The following ITPR3 variants were observed in gnomAD, a reference collection of about 807,000 sequenced individuals.
ITPR3 encodes the protein inositol 1,4,5-trisphosphate-gated calcium channel ITPR3.
ITPR3 carries 173 observed loss-of-function variants against 293.2 expected under a neutral mutation model. That is an observed-to-expected ratio of 0.59 (90% CI 0.52 to 0.67). The LOEUF is 0.67. Among genes scored for constraint, ITPR3 ranks in the 30% least tolerant of loss-of-function variants. The probability of loss-of-function intolerance (pLI) is 0.00; values close to 1 mark genes in which losing one functional copy is unlikely to be tolerated. For synonymous variants in ITPR3, 1,295 were observed against 1,444.4 expected, an observed-to-expected ratio of 0.90 and a Z score of 2.35; for missense variants, 2,796 against 3,592.1, an observed-to-expected ratio of 0.78 and a Z score of 5.66.
Position 33,687,111 on chromosome 6 carries a change from C to CTGGGCAGG in ITPR3, c.6075+16_6075+23dup, listed in dbSNP as rs769069993. On this transcript the variant is annotated splice_region_variant and intron_variant, in intron 44 of 57. Coordinates refer to ENST00000605930, the MANE Select transcript of ITPR3 (RefSeq NM_002224.4). The surrounding 1 kb of genome is among the most constrained non-coding windows in gnomAD (Gnocchi z 5.3). ...CCTGCGGCCCCAGGAGCTGGTGAGG[C>CTGGGCAGG]TGGGCAGGTGGGCAGGCGGGCGGAA... The CTGGGCAGG allele has an allele frequency of 2.0e-5, 33 of 1,612,996 alleles. No homozygotes were observed. Among genetic ancestry groups the CTGGGCAGG allele is most frequent in the Non-Finnish European group, 2.7e-5 (32 of 1,179,350 alleles).
At position 33,662,610 on chromosome 6, in the gene ITPR3, T is replaced by G; in HGVS notation, c.794T>G (p.Leu265Arg). 6.2e-7 allele frequency: 1 copy of G among 1,612,194 alleles called. No individual in the cohort carries two copies. Residue 265 changes from leucine (L) to arginine (R), a missense_variant, in exon 8 of 58, where the codon CTG becomes CGG. By Grantham distance (102) the Leu-to-Arg change is moderately radical (BLOSUM62 -2). Coordinates refer to ENST00000605930, the MANE Select transcript of ITPR3 (RefSeq NM_002224.4). ...DEYKGKLQVF[L>R]RTTLRQSATS... ...TACAAGGGCAAGCTGCAGGTGTTCCTGCGAACTACACTGCGCCAGTCTGCC... is the reference window on the plus strand; with the variant it reads ...TACAAGGGCAAGCTGCAGGTGTTCCGGCGAACTACACTGCGCCAGTCTGCC...
Position 33,688,164 on chromosome 6 carries a change from C to T in ITPR3, c.6372C>T (p.Ile2124=), listed in dbSNP as rs138913026. 3.6e-5 allele frequency: 58 copies of T among 1,613,926 alleles called. No homozygotes were observed. The highest frequency in any genetic ancestry group is 9.3e-5 in the African/African-American group (7 of 74,936). ...ACTATGAGAACCACACGTCCCAGATCGAGGTGGGCCTGTGGGCAGCAGGGG... is the reference window on the plus strand; with the variant it reads ...ACTATGAGAACCACACGTCCCAGATTGAGGTGGGCCTGTGGGCAGCAGGGG... The part of the protein sequence containing the change: ...LAYYENHTSQ[I]EIVRQDRSME... Residue 2124 remains isoleucine (I), a synonymous_variant, in exon 47 of 58, where the codon ATC becomes ATT. Transcript: ENST00000605930.
chr6:33,667,311 C>T lies in ITPR3; in HGVS notation c.1713+21C>T. Reference sequence around the variant, plus strand: ...ACCAGGTGCGCCGCTGCCCTGCTGGCCCACTCGCTGGCTGCACGTTCCTTC... The same window carrying T: ...ACCAGGTGCGCCGCTGCCCTGCTGGTCCACTCGCTGGCTGCACGTTCCTTC... On this transcript the variant is annotated intron_variant, in intron 15 of 57. Transcript: ENST00000605930. The surrounding 1 kb of genome is among the most constrained non-coding windows in gnomAD (Gnocchi z 4.4). 1 of 1,606,488 alleles carries T rather than the reference C, an allele frequency of 6.2e-7. No individual in the cohort carries two copies. Among genetic ancestry groups the T allele is most frequent in the South Asian group, 1.1e-5 (1 of 90,438 alleles).
At position 33,689,094 on chromosome 6, in the gene ITPR3, T is replaced by G. The variant is rs1043066253; in HGVS notation, c.6695-144T>G. The G allele has an allele frequency of 7.1e-4, 668 of 945,958 alleles. 7 individuals are homozygous for G. In the East Asian group the frequency reaches 0.012, roughly 18 times the overall value. The allele number at this position is 945,958 out of a possible 1,614,324, so 58.6% of individuals were successfully genotyped here. A position where few individuals can be genotyped will look rare whatever the true frequency, so the allele number is the denominator to read the frequency against. On this transcript the variant is annotated intron_variant, in intron 49 of 57. Transcript: ENST00000605930. ...CTCCCGCTTAGGCCTGAGAGGCAGG[T>G]GTAATGGAGGAGGCTAAAACCAGGC...
In ITPR3 at chr6:33,676,920, G is replaced by A. The variant is rs185896165; in HGVS notation, c.3435G>A (p.Lys1145=). ...AGGAGGTGGAGGCAGGCGCCGCCAA[G>A]GACAAGAAAGAGGTAAGTGGGGCTC... ...KGEEVEAGAA[K]DKKERPTDEE... The change falls in exon 26 of 58, where the codon AAG becomes AAA. Residue 1145 remains lysine (K), a synonymous_variant. Coordinates refer to ENST00000605930, the MANE Select transcript of ITPR3 (RefSeq NM_002224.4). 347 of 1,614,114 alleles carry A rather than the reference G, an allele frequency of 2.1e-4. 2 individuals carry two copies. In the East Asian group the frequency reaches 7.6e-3, roughly 35 times the overall value.
intron 21 of ITPR3, among the ~76,000 whole-genome samples, 156 bp from the exon 22 acceptor site, chr6:33,671,873 C>T (rs569359814): frequency 6.6e-6 from 1 of 152,096 alleles, no homozygotes; most frequent in Non-Finnish European, 1.5e-5. Context: ...CTCCAGGAAG[C>T]CTTCCTGGGT....
rs542469318 is a variant in ITPR3, at chr6:33,622,839, G to T, written c.89+1148G>T. Among the ~76,000 whole-genome samples, 17 of 152,302 alleles carry T rather than the reference G, an allele frequency of 1.1e-4. No individual in the cohort carries two copies. In the East Asian group the frequency reaches 3.3e-3, roughly 29 times the overall value. On this transcript the variant is annotated intron_variant, in intron 1 of 57. Coordinates refer to ENST00000605930, the MANE Select transcript of ITPR3 (RefSeq NM_002224.4). The stretch of plus-strand genomic sequence containing the variant: ...TTTAGCTTTCATCTTGGTGTAAAGG[G>T]AATGGATTGTGGGATTGGAGGGCTG...
rs1195734414 is a variant in ITPR3 at position 33,687,571 on chromosome 6, G to A, written c.6264+7G>A. The A allele has an allele frequency of 1.4e-6, 2 of 1,445,508 alleles. No homozygotes were observed. Among genetic ancestry groups the A allele is most frequent in the African/African-American group, 1.4e-5 (1 of 73,416 alleles). The allele number at this position is 1,445,508 out of a possible 1,614,324, so 89.5% of individuals were successfully genotyped here. A position where few individuals can be genotyped will look rare whatever the true frequency, so the allele number is the denominator to read the frequency against. On this transcript the variant is annotated splice_region_variant and intron_variant, in intron 46 of 57. Coordinates refer to ENST00000605930, the MANE Select transcript of ITPR3 (RefSeq NM_002224.4). The surrounding 1 kb of genome is among the most constrained non-coding windows in gnomAD (Gnocchi z 5.3). Reference sequence around the variant, plus strand: ...CGAGGGTATCTCTTCCATGGTGGGTGCTGGCCCCGAGACTGGGGTGGGGGT... The same window carrying A: ...CGAGGGTATCTCTTCCATGGTGGGTACTGGCCCCGAGACTGGGGTGGGGGT...
chr6:33,657,352 TCCTCAAGG>T (rs1370264405), intron 3 of ITPR3, among the ~76,000 whole-genome samples: 1 of 151,992 alleles, frequency 6.6e-6, no homozygotes, highest in Non-Finnish European at 1.5e-5. Flanking sequence ...GCAAACCAAA[TCCTCAAGG>T]CCACCAGCAG....
rs1314274391 is a variant in ITPR3, at chr6:33,691,251, C to T, written c.7225+142C>T. 4 of 769,060 alleles carry T rather than the reference C, an allele frequency of 5.2e-6. No homozygotes were observed. Among genetic ancestry groups the T allele is most frequent in the Non-Finnish European group, 8.4e-6 (4 of 475,322 alleles). 47.6% of individuals were successfully genotyped at this position (769,060 alleles called of 1,614,324 possible). A position where few individuals can be genotyped will look rare whatever the true frequency, so the allele number is the denominator to read the frequency against. The stretch of plus-strand genomic sequence containing the variant: ...CCTCTTGGCTTCTGGGGACGTCTAG[C>T]TAACACCAGTCTGCCTCGCTCTTTT... On this transcript the variant is annotated intron_variant, in intron 52 of 57. Transcript: ENST00000605930. The surrounding 1 kb of genome is among the most constrained non-coding windows in gnomAD (Gnocchi z 4.9).
Position 33,691,526 on chromosome 6 carries a change from G to T in ITPR3, c.7226-89G>T. The T allele has an allele frequency of 9.1e-7, 1 of 1,099,724 alleles. No individual in the cohort carries two copies. The highest frequency in any genetic ancestry group is 1.3e-6 in the Non-Finnish European group (1 of 742,566). 68.1% of individuals were successfully genotyped at this position (1,099,724 alleles called of 1,614,324 possible). On this transcript the variant is annotated intron_variant, in intron 52 of 57. Coordinates refer to ENST00000605930, the MANE Select transcript of ITPR3 (RefSeq NM_002224.4). The surrounding 1 kb of genome is among the most constrained non-coding windows in gnomAD (Gnocchi z 4.9). ...GGCTGGCGATCCAGGACCAGGGAAG[G>T]TTTCCTGGAGGATGTGACACTGGGG...
chr6:33,684,713 C>G lies in ITPR3; in HGVS notation c.5137+25C>G. 1 of 1,611,946 alleles carries G rather than the reference C, an allele frequency of 6.2e-7. No individual in the cohort carries two copies. The highest frequency in any genetic ancestry group is 8.5e-7 in the Non-Finnish European group (1 of 1,178,670). On this transcript the variant is annotated intron_variant, in intron 38 of 57. Transcript: ENST00000605930. The surrounding 1 kb of genome is among the most constrained non-coding windows in gnomAD (Gnocchi z 4.2). ...GGTCAGTATCACCTTCCCCTGCCCCCGGGCCCTCCCTTCCACTCTCCTGTC... is the reference window on the plus strand; with the variant it reads ...GGTCAGTATCACCTTCCCCTGCCCCGGGGCCCTCCCTTCCACTCTCCTGTC...
intron 2 of ITPR3, among the ~76,000 whole-genome samples, chr6:33,653,047 A>T (rs946521599): frequency 2.8e-4 from 43 of 152,040 alleles, no homozygotes; most frequent in African/African-American, 1.0e-3. Context: ...AGCTGGGACT[A>T]CAGGCATGTA....
chr6:33,678,753 C>CA lies in ITPR3; in HGVS notation c.3887dup (p.His1296GlnfsTer13). 6.2e-7 allele frequency: 1 copy of CA among 1,613,570 alleles called. No individual in the cohort carries two copies. The highest frequency in any genetic ancestry group is 8.5e-7 in the Non-Finnish European group (1 of 1,179,890). On this transcript the variant is annotated frameshift_variant, in exon 30 of 58. Transcript: ENST00000605930. LOFTEE classifies it high-confidence loss of function. Reference sequence around the variant, plus strand: ...GCACCTGCTGGCCACGCACGGGCGCCATGTGCAGTACCTGGACTTCCTGCA... The same window carrying CA: ...GCACCTGCTGGCCACGCACGGGCGCCAATGTGCAGTACCTGGACTTCCTGCA...
intron 7 of ITPR3, among the ~76,000 whole-genome samples, chr6:33,660,138 G>A (rs1431770668): frequency 1.3e-5 from 2 of 152,194 alleles, no homozygotes; most frequent in Non-Finnish European, 2.9e-5. Flanking sequence ...AACAGCAGAT[G>A]TGGGCGAGAG....
At chr6:33,643,284 C>G (rs10947420) in intron 2 of ITPR3, among the ~76,000 whole-genome samples, 34,579 of 152,130 alleles carry the variant, frequency 0.23, 4,295 homozygotes, top group South Asian at 0.31. Context: ...CTGCCCGGCT[C>G]CCTGCCAGCT....
At position 33,682,398 on chromosome 6, in the gene ITPR3, C is replaced by G; in HGVS notation, c.4477-126C>G. 9.0e-7 allele frequency: 1 copy of G among 1,113,466 alleles called. No individual in the cohort carries two copies. The allele number at this position is 1,113,466 out of a possible 1,614,324, so 69.0% of individuals were successfully genotyped here. ...CCTTTTTCCAACTGGCACAGAGGCA[C>G]ATGGTGGCTAGTGAAGGCTCCGTCT... is the stretch of plus-strand genomic sequence containing the variant. On this transcript the variant is annotated intron_variant, in intron 33 of 57. Coordinates refer to ENST00000605930, the MANE Select transcript of ITPR3 (RefSeq NM_002224.4). This position sits in a 1 kb window ranked among gnomAD's most constrained non-coding sequence, Gnocchi z 5.4.
rs1350316115 is a variant in ITPR3, at chr6:33,658,600, C to T, written c.370-70C>T. On this transcript the variant is annotated intron_variant, in intron 4 of 57. Coordinates refer to ENST00000605930, the MANE Select transcript of ITPR3 (RefSeq NM_002224.4). This position sits in a 1 kb window ranked among gnomAD's most constrained non-coding sequence, Gnocchi z 6.1. Reference sequence around the variant, plus strand: ...TGTGACCAAGGGTCTAGGGGATCCCCCCATATCCCCTCCCTAATGGGCCGA... The same window carrying T: ...TGTGACCAAGGGTCTAGGGGATCCCTCCATATCCCCTCCCTAATGGGCCGA... The T allele has an allele frequency of 6.5e-7, 1 of 1,543,348 alleles. No individual in the cohort carries two copies. The highest frequency in any genetic ancestry group is 1.4e-5 in the African/African-American group (1 of 73,684).
chr6:33,661,408 A>G (rs1020990802), intron 7 of ITPR3, among the ~76,000 whole-genome samples: 4 of 152,190 alleles, frequency 2.6e-5, no homozygotes, highest in Non-Finnish European at 4.4e-5. Flanking sequence ...CCCATTTGCC[A>G]TTAGTTGCAT....
Sources: gnomAD v4.1 joint callset for allele counts (sites outside exome capture counted in the v4.1 genomes callset) on GRCh38, gnomAD v4.1.1 for gene constraint, Gnocchi (gnomAD v3.1) non-coding constraint, MANE v1.5 for transcripts, NCBI Gene and HGNC (gene_info 2026-07-23, HGNC 2026-07-21) for gene names.